Variants in ZFYVE9 observed in about 807,000 individuals in gnomAD.
ZFYVE9 encodes the protein zinc finger FYVE domain-containing protein 9.
Under a neutral mutation model 126.7 loss-of-function variants are expected in ZFYVE9, and 43 were observed. The observed-to-expected ratio is 0.34, with a 90% CI of 0.27 to 0.44. The LOEUF is 0.44. Ranked by LOEUF, ZFYVE9 falls within the 20% of genes least tolerant of loss-of-function variation. The pLI, the probability that ZFYVE9 is intolerant of heterozygous loss-of-function variation, is 1.00. For missense variants in ZFYVE9, 1,476 were observed against 1,697.0 expected, an observed-to-expected ratio of 0.87 and a Z score of 2.29; for synonymous variants, 521 against 597.4, an observed-to-expected ratio of 0.87 and a Z score of 1.87.
At chr1:52,286,689 A>T (rs1275623470) in intron 10 of ZFYVE9, among the ~76,000 whole-genome samples, 4 of 152,288 alleles carry the variant, frequency 2.6e-5, no homozygotes, top group East Asian at 1.9e-4. Flanking sequence ...TATCTACCAG[A>T]TTGTTATTTC....
chr1:52,149,498 C>T (rs755270576), intron 1 of ZFYVE9, among the ~76,000 whole-genome samples: 3 of 152,166 alleles, frequency 2.0e-5, no homozygotes, highest in Non-Finnish European at 4.4e-5. Context: ...TTCATATTAA[C>T]ATTTCTAGGC....
rs113375062 is a variant in ZFYVE9 at position 52,322,377 on chromosome 1, CTTTTTTTTTTTTT to C, written c.3439-10383_3439-10371del. Among the ~76,000 whole-genome samples the C allele has an allele frequency of 1.7e-5, 2 of 119,498 alleles. 1 individual carries two copies. The highest frequency in any genetic ancestry group is 8.5e-3 in the Middle Eastern group (2 of 234). 78.4% of individuals were successfully genotyped at this position (119,498 alleles called of 152,430 possible). A position where few individuals can be genotyped will look rare whatever the true frequency, so the allele number is the denominator to read the frequency against. ...AATGTAGCAGCCTAAGTGGTCTTTTCTTTTTTTTTTTTTTTTTTTTGAGACAGAGTCTCGCTGT... is the reference window on the plus strand; with the variant it reads ...AATGTAGCAGCCTAAGTGGTCTTTTCTTTTTTTGAGACAGAGTCTCGCTGT... On this transcript the variant is annotated intron_variant, in intron 13 of 18. Transcript: ENST00000287727.
At chr1:52,321,770 C>A (rs1646242425) in intron 13 of ZFYVE9, among the ~76,000 whole-genome samples, 1 of 152,208 alleles carries the variant, frequency 6.6e-6, no homozygotes, top group Non-Finnish European at 1.5e-5. Flanking sequence ...ACAAGAAGTT[C>A]TGGACTCCTA....
chr1:52,218,853 A>T (rs1439627425), intron 2 of ZFYVE9, among the ~76,000 whole-genome samples: 1 of 152,112 alleles, frequency 6.6e-6, no homozygotes, highest in African/African-American at 2.4e-5. Context: ...CATTTCAAAG[A>T]TGCCTGTAGG....
intron 5 of ZFYVE9, among the ~76,000 whole-genome samples, chr1:52,265,714 G>A (rs1645627196): frequency 6.6e-6 from 1 of 152,136 alleles, no homozygotes; most frequent in South Asian, 2.1e-4. Context: ...CTGATGGATA[G>A]TTTTATACAG....
intron 13 of ZFYVE9, among the ~76,000 whole-genome samples, chr1:52,304,605 T>A (rs1569717993): frequency 6.7e-6 from 1 of 148,868 alleles, no homozygotes; most frequent in African/African-American, 2.6e-5. Context: ...TTTTTCCTTT[T>A]TTTTTCCTTT....
intron 1 of ZFYVE9, chr1:52,190,116 G>A (rs891771943): frequency 7.4e-5 from 13 of 176,818 alleles, no homozygotes; most frequent in Non-Finnish European, 1.1e-4. Flanking sequence ...AAGTGCAAAC[G>A]GTAGCCAGTT....
intron 3 of ZFYVE9, 82 bp downstream of exon 3, chr1:52,233,358 A>C (rs1283397169): frequency 1.0e-6 from 1 of 996,862 alleles, no homozygotes; most frequent in Non-Finnish European, 1.4e-6. Flanking sequence ...ATTTAAAAAA[A>C]TAAAATCAGG....
At chr1:52,183,737 C>T (rs891865735) in intron 1 of ZFYVE9, among the ~76,000 whole-genome samples, 2 of 152,200 alleles carry the variant, frequency 1.3e-5, no homozygotes, top group African/African-American at 4.8e-5. Context: ...AACTCCTGAG[C>T]TTAGGCAATC....
chr1:52,225,142 C>T lies in ZFYVE9; in HGVS notation c.-36-8029C>T, dbSNP rs1432567718. Among the ~76,000 whole-genome samples the T allele has an allele frequency of 3.9e-5, 6 of 152,282 alleles. No individual in the cohort carries two copies. In the East Asian group the frequency reaches 9.7e-4, roughly 25 times the overall value. ...GAATACTTTGTTGCCCCAATAGTGACGTTTCTTACCTTGGTCTATGCACAG... is the reference window on the plus strand; with the variant it reads ...GAATACTTTGTTGCCCCAATAGTGATGTTTCTTACCTTGGTCTATGCACAG... On this transcript the variant is annotated intron_variant, in intron 2 of 18. Coordinates refer to ENST00000287727, the MANE Select transcript of ZFYVE9 (RefSeq NM_004799.4).
At chr1:52,317,764 C>T (rs1163022249) in intron 13 of ZFYVE9, among the ~76,000 whole-genome samples, 1 of 152,154 alleles carries the variant, frequency 6.6e-6, no homozygotes, top group Non-Finnish European at 1.5e-5. Context: ...ACTATCATTA[C>T]AGGTCCGATA....
intron 8 of ZFYVE9, among the ~76,000 whole-genome samples, chr1:52,276,368 A>G (rs866282780): frequency 3.9e-5 from 6 of 152,214 alleles, no homozygotes; most frequent in Non-Finnish European, 5.9e-5. Context: ...GTGCTGTGGA[A>G]TAATGGGAAA....
intron 4 of ZFYVE9, among the ~76,000 whole-genome samples, chr1:52,246,917 A>C (rs1645391649): frequency 6.6e-6 from 1 of 152,110 alleles, no homozygotes; most frequent in South Asian, 2.1e-4. Flanking sequence ...CATGTTGGCC[A>C]GGCTGGTCTC....
At chr1:52,240,772 C>G (rs900600687) in intron 4 of ZFYVE9, among the ~76,000 whole-genome samples, 1 of 152,106 alleles carries the variant, frequency 6.6e-6, no homozygotes. Context: ...ACTCTTGGCA[C>G]CCTCTTATCA....
At chr1:52,246,532 T>TG (rs139705950) in intron 4 of ZFYVE9, among the ~76,000 whole-genome samples, 5,000 of 149,544 alleles carry the variant, frequency 0.033, 319 homozygotes, top group African/African-American at 0.12. Flanking sequence ...TTTTTTTTCC[T>TG]GGGTTTTTTT....
intron 4 of ZFYVE9, 147 bp downstream of exon 4, chr1:52,239,742 A>G (rs919339321): frequency 2.1e-5 from 20 of 934,786 alleles, no homozygotes; most frequent in East Asian, 1.1e-4. Flanking sequence ...GTAAATTTCT[A>G]TATAAAAAAT....
At chr1:52,156,276 C>T (rs1450598813) in intron 1 of ZFYVE9, among the ~76,000 whole-genome samples, 1 of 152,196 alleles carries the variant, frequency 6.6e-6, no homozygotes, top group Non-Finnish European at 1.5e-5. Flanking sequence ...AAACATACTA[C>T]ATCTAGCATG....
chr1:52,207,462 A>G (rs1644988716), intron 1 of ZFYVE9, among the ~76,000 whole-genome samples: 1 of 152,224 alleles, frequency 6.6e-6, no homozygotes, highest in Non-Finnish European at 1.5e-5. Flanking sequence ...TATGCTGGAA[A>G]TTGAAGCCCT....
chr1:52,318,366 T>TTGTATGTGTGTG (rs1182511163), intron 13 of ZFYVE9, among the ~76,000 whole-genome samples: 8 of 84,006 alleles, frequency 9.5e-5, no homozygotes, highest in Non-Finnish European at 1.7e-4. Context: ...GAGAGCATGA[T>TTGTATGTGTGTG]TGTATGTGTG....
Sources: allele counts gnomAD v4.1 joint callset (sites outside exome capture counted in the v4.1 genomes callset), GRCh38; gene constraint gnomAD v4.1.1; transcripts MANE v1.5; gene names NCBI Gene and HGNC (gene_info 2026-07-23, HGNC 2026-07-21).